FAM227B: variants seen among roughly 807,000 people sequenced by gnomAD.
The protein encoded by FAM227B is family with sequence similarity 227 member B.
FAM227B carries 88 observed loss-of-function variants against 73.8 expected under a neutral mutation model. The observed-to-expected ratio is 1.19, with a 90% CI of 1.00 to 1.42. FAM227B has a LOEUF of 1.42. Among genes scored for constraint, FAM227B ranks in the 40% most tolerant of loss-of-function variants. The pLI, the probability that FAM227B is intolerant of heterozygous loss-of-function variation, is 0.00. For missense variants in FAM227B, 632 were observed against 590.9 expected (o/e 1.07, Z -0.72); for synonymous variants, 210 against 190.5 (o/e 1.10, Z -0.84).
intron 11 of FAM227B, among the ~76,000 whole-genome samples, chr15:49,406,539 C>T (rs2048522334): frequency 6.6e-6 from 1 of 151,882 alleles, no homozygotes; most frequent in Admixed American, 6.6e-5. Flanking sequence ...TAGCTTCACT[C>T]CCACAGCAGC....
At chr15:49,466,783 T>C (rs1336534395) in intron 11 of FAM227B, among the ~76,000 whole-genome samples, 3 of 152,158 alleles carry the variant, frequency 2.0e-5, no homozygotes, top group African/African-American at 7.2e-5. Flanking sequence ...TTGGGGGTCT[T>C]TAACCCTTTT....
intron 11 of FAM227B, chr15:49,425,122 T>C (rs1284347213): frequency 6.6e-6 from 1 of 152,122 alleles, no homozygotes. Context: ...GTATCCTTAT[T>C]CATTTGAGTC....
intron 11 of FAM227B, among the ~76,000 whole-genome samples, chr15:49,376,895 C>G (rs2046199275): frequency 6.6e-6 from 1 of 151,762 alleles, no homozygotes; most frequent in South Asian, 2.1e-4. Flanking sequence ...GTTTTCTTTT[C>G]TATTAAAAAT....
Position 49,430,421 on chromosome 15 carries a change from G to T in FAM227B, c.1013-59022C>A, listed in dbSNP as rs571459921. 5.3e-5 allele frequency among the ~76,000 whole-genome samples: 8 copies of T among 151,932 alleles called. No individual in the cohort carries two copies. In the East Asian group the frequency reaches 1.6e-3, roughly 30 times the overall value. ...TCACCTCTCATGGCCACACAACCAA[G>T]TTCAAAGGCAGAGGTTTAAGGAGAC... is the stretch of plus-strand genomic sequence containing the variant. On this transcript the variant is annotated intron_variant, in intron 11 of 15. Transcript: ENST00000299338.
intron 9 of FAM227B, among the ~76,000 whole-genome samples, chr15:49,557,979 A>C (rs983437086): frequency 6.6e-6 from 1 of 152,174 alleles, no homozygotes; most frequent in Non-Finnish European, 1.5e-5. Context: ...ATGGGTTTCC[A>C]GCACAGTGGC....
intron 5 of FAM227B, among the ~76,000 whole-genome samples, chr15:49,578,735 G>T (rs976478411): frequency 5.9e-5 from 9 of 152,134 alleles, no homozygotes; most frequent in African/African-American, 7.2e-5. Context: ...GGAAAAATGA[G>T]ATCAAATATG....
intron 10 of FAM227B, among the ~76,000 whole-genome samples, chr15:49,531,888 A>G (rs1018906350): frequency 6.6e-6 from 1 of 151,944 alleles, no homozygotes; most frequent in Non-Finnish European, 1.5e-5. Flanking sequence ...GTTGTTGAAT[A>G]CTGCCAAAAA....
chr15:49,455,202 T>C (rs1430127911), intron 11 of FAM227B, among the ~76,000 whole-genome samples: 1 of 152,204 alleles, frequency 6.6e-6, no homozygotes, highest in East Asian at 1.9e-4. Context: ...TCTGGTGATA[T>C]TCCTGTTCAC....
At chr15:49,504,851 C>A (rs2058456667) in intron 11 of FAM227B, among the ~76,000 whole-genome samples, 2 of 152,124 alleles carry the variant, frequency 1.3e-5, no homozygotes, top group Non-Finnish European at 2.9e-5. Context: ...CAAGAATGAC[C>A]TAATACGTTA....
At chr15:49,343,882 T>C (rs2151248227) in intron 13 of FAM227B, 1 of 152,302 alleles carries the variant, frequency 6.6e-6, no homozygotes, top group East Asian at 1.9e-4. Context: ...TAAGTGTCCA[T>C]ATGAACTACA....
chr15:49,352,001 A>G (rs188296672), intron 13 of FAM227B, among the ~76,000 whole-genome samples: 2 of 152,328 alleles, frequency 1.3e-5, no homozygotes, highest in East Asian at 3.9e-4. Context: ...CTGTTCTAAG[A>G]TGGAGTCTAT....
rs767916395 is a variant in FAM227B, at chr15:49,589,856, G to T, written c.257C>A (p.Ser86Ter). 3 of 1,609,182 alleles carry T rather than the reference G, an allele frequency of 1.9e-6. No individual in the cohort carries two copies. The highest frequency in any genetic ancestry group is 2.6e-6 in the Non-Finnish European group (3 of 1,175,836). ...RIFEALLIMESKLKEYSLILQ... is the reference protein window; with the variant it reads ...RIFEALLIME Reference sequence around the variant, plus strand: ...AATAAGTGAATATTCCTTTAATTTTGATTCCATGATCAAAAGTGCTTCAAA... The same window carrying T: ...AATAAGTGAATATTCCTTTAATTTTTATTCCATGATCAAAAGTGCTTCAAA... The change falls in exon 4 of 16, where the codon TCA becomes TAA. Residue 86 changes from serine (S) to a stop codon, truncating the protein, a stop_gained. Transcript: ENST00000299338. LOFTEE classifies it high-confidence loss of function.
chr15:49,588,045 T>C lies in FAM227B; in HGVS notation c.376A>G (p.Lys126Glu). 6.9e-7 allele frequency: 1 copy of C among 1,441,632 alleles called. No homozygotes were observed. The highest frequency in any genetic ancestry group is 9.3e-7 in the Non-Finnish European group (1 of 1,077,174). The allele number at this position is 1,441,632 out of a possible 1,614,324, so 89.3% of individuals were successfully genotyped here. A position where few individuals can be genotyped will look rare whatever the true frequency, so the allele number is the denominator to read the frequency against. Residue 126 changes from lysine (K) to glutamate (E), a missense_variant, in exon 5 of 16, where the codon AAG (lysine) becomes GAG (glutamate). Transcript: ENST00000299338. Reference sequence around the variant, plus strand: ...ATCTTTTTTTTCTTATGGTACTTCTTTAGAAATTCCCCATATCGTTCCAAT... The same window carrying C: ...ATCTTTTTTTTCTTATGGTACTTCTCTAGAAATTCCCCATATCGTTCCAAT... ...RKLERYGEFL[K>E]KYHKKKKIML...
At chr15:49,475,161 A>G (rs2055151095) in intron 11 of FAM227B, among the ~76,000 whole-genome samples, 1 of 152,182 alleles carries the variant, frequency 6.6e-6, no homozygotes, top group Admixed American at 6.5e-5. Flanking sequence ...ATGATTAGTG[A>G]AACATGAGAA....
intron 11 of FAM227B, among the ~76,000 whole-genome samples, chr15:49,442,662 T>C (rs947994343): frequency 4.0e-5 from 6 of 151,726 alleles, no homozygotes; most frequent in African/African-American, 1.2e-4. Context: ...GTGTCTTTTA[T>C]TGTTGCCTGC....
At position 49,356,164 on chromosome 15, in the gene FAM227B, A is replaced by G. The variant is rs564848783; in HGVS notation, c.1271+11284T>C. 4.6e-3 allele frequency among the ~76,000 whole-genome samples: 696 copies of G among 152,326 alleles called. 4 individuals carry two copies. The highest frequency in any genetic ancestry group is 7.0e-3 in the Non-Finnish European group (479 of 68,034). On this transcript the variant is annotated intron_variant, in intron 13 of 15. Transcript: ENST00000299338. ...CCAAAATGTAAAGACCATCGAGACT[A>G]GGAAGAAACTGCATCAACTAACGAG...
intron 3 of FAM227B, among the ~76,000 whole-genome samples, chr15:49,591,868 A>G (rs2076600658): frequency 6.6e-6 from 1 of 152,134 alleles, no homozygotes; most frequent in Admixed American, 6.5e-5. Flanking sequence ...TGTTCTATGT[A>G]TATACAGCCA....
intron 9 of FAM227B, among the ~76,000 whole-genome samples, chr15:49,555,933 C>T (rs115834646): frequency 0.016 from 2,502 of 152,170 alleles, 32 homozygotes; most frequent in Middle Eastern, 0.038. Flanking sequence ...TGTCTTCTAC[C>T]ACCTGTATCA....
intron 1 of FAM227B, among the ~76,000 whole-genome samples, chr15:49,619,363 G>T (rs1326620676): frequency 1.3e-5 from 2 of 152,164 alleles, no homozygotes; most frequent in African/African-American, 4.8e-5. Context: ...GTAGCACCGC[G>T]TTACTTTTTG....
Sources: allele counts gnomAD v4.1 joint callset (sites outside exome capture counted in the v4.1 genomes callset), GRCh38; gene constraint gnomAD v4.1.1; transcripts MANE v1.5; gene names NCBI Gene and HGNC (gene_info 2026-07-23, HGNC 2026-07-21).